Variants in HHAT observed in about 807,000 individuals in gnomAD.
HHAT encodes hedgehog acyltransferase.
A neutral mutation model predicts 70.8 loss-of-function variants in HHAT; 47 were observed. That is an observed-to-expected ratio of 0.66 (90% CI 0.53 to 0.85). The LOEUF (loss-of-function observed/expected upper bound fraction) is 0.85. HHAT is among the 40% of genes least tolerant of loss of function. The pLI is 0.00. For missense variants in HHAT, 609 were observed against 604.8 expected (o/e 1.01, Z -0.07); for synonymous variants, 228 against 247.6 (o/e 0.92, Z 0.74).
intron 11 of HHAT, among the ~76,000 whole-genome samples, chr1:210,625,347 G>C (rs1669639123): frequency 6.6e-6 from 1 of 152,152 alleles, no homozygotes; most frequent in African/African-American, 2.4e-5. Context: ...TGCGGACTTG[G>C]TTTGCTTGTC....
intron 8 of HHAT, among the ~76,000 whole-genome samples, chr1:210,502,010 C>T (rs1558037553): frequency 8.0e-6 from 1 of 125,572 alleles, no homozygotes; most frequent in Non-Finnish European, 1.7e-5. Context: ...TTTTAGGTCT[C>T]CTCTATTCTT....
At chr1:210,619,570 G>A (rs1668443740) in intron 10 of HHAT, among the ~76,000 whole-genome samples, 1 of 152,178 alleles carries the variant, frequency 6.6e-6, no homozygotes, top group Non-Finnish European at 1.5e-5. Flanking sequence ...GAATGTAGGG[G>A]AGAACAATTC....
chr1:210,374,147 A>G (rs996209381), intron 3 of HHAT: 2 of 152,186 alleles, frequency 1.3e-5, no homozygotes, highest in South Asian at 4.1e-4. Flanking sequence ...TTTTTATAAA[A>G]CATGATCTGC....
chr1:210,651,663 C>T (rs1675187496), intron 11 of HHAT, among the ~76,000 whole-genome samples: 1 of 152,196 alleles, frequency 6.6e-6, no homozygotes, highest in Non-Finnish European at 1.5e-5. Flanking sequence ...CCTTCTAGGG[C>T]TGGAGGGACA....
chr1:210,567,897 AAT>A (rs1655158586), intron 9 of HHAT, among the ~76,000 whole-genome samples: 1 of 152,196 alleles, frequency 6.6e-6, no homozygotes, highest in Admixed American at 6.5e-5. Context: ...GAAATTATGA[AAT>A]ATATATTTGA....
intron 8 of HHAT, among the ~76,000 whole-genome samples, chr1:210,500,968 GC>G (rs1558035198): frequency 6.6e-6 from 1 of 152,188 alleles, no homozygotes; most frequent in Non-Finnish European, 1.5e-5. Flanking sequence ...TAGAGCATCA[GC>G]TCCTCTGGGA....
intron 11 of HHAT, among the ~76,000 whole-genome samples, chr1:210,646,250 C>A (rs1322791447): frequency 2.0e-5 from 3 of 152,144 alleles, no homozygotes; most frequent in Non-Finnish European, 4.4e-5. Context: ...AGCAGCTGGA[C>A]TTTAAGGCCT....
Position 210,437,712 on chromosome 1 carries a change from G to T in HHAT, c.856+19387G>T, listed in dbSNP as rs2093412243. Among the ~76,000 whole-genome samples, 5 of 151,910 alleles carry T rather than the reference G, an allele frequency of 3.3e-5. No homozygotes were observed. The South Asian group carries it at 1.0e-3, about 32-fold the overall frequency. ...GCCCTTTTGTTGAGTATTTACATGG[G>T]TCACAAATATCTCCCCTGGGCTCAT... On this transcript the variant is annotated intron_variant, in intron 7 of 11. Transcript: ENST00000261458.
At chr1:210,624,776 C>A (rs1246447000) in intron 11 of HHAT, among the ~76,000 whole-genome samples, 1 of 152,172 alleles carries the variant, frequency 6.6e-6, no homozygotes, top group Non-Finnish European at 1.5e-5. Context: ...AGATTTGGAA[C>A]TACTCATGGT....
At chr1:210,362,045 T>G (rs1381624120) in intron 2 of HHAT, among the ~76,000 whole-genome samples, 3 of 140,252 alleles carry the variant, frequency 2.1e-5, no homozygotes, top group Non-Finnish European at 4.8e-5. Context: ...TATCTTGTAC[T>G]GTGTCTGGTT....
upstream of HHAT, chr1:210,328,759 G>T: frequency 3.0e-6 from 1 of 335,176 alleles, no homozygotes; most frequent in Non-Finnish European, 5.4e-6. Flanking sequence ...GGTGAGCGGG[G>T]CTAGGGGCCC....
intron 9 of HHAT, among the ~76,000 whole-genome samples, 167 bp downstream of exon 9, chr1:210,513,355 CG>C (rs2094995061): frequency 6.6e-6 from 1 of 152,068 alleles, no homozygotes; most frequent in African/African-American, 2.4e-5. Flanking sequence ...CAGAATCACA[CG>C]ATTAAACAAT....
At chr1:210,488,022 G>C (rs2148504852) in intron 8 of HHAT, among the ~76,000 whole-genome samples, 1 of 152,226 alleles carries the variant, frequency 6.6e-6, no homozygotes, top group Admixed American at 6.5e-5. Context: ...GCTTCCTCGT[G>C]GGATTCCCAT....
At chr1:210,602,850 A>G (rs777219824) in intron 10 of HHAT, among the ~76,000 whole-genome samples, 29 of 152,058 alleles carry the variant, frequency 1.9e-4, no homozygotes, top group Non-Finnish European at 4.0e-4. Flanking sequence ...CACACTATGC[A>G]ATTCGCTGGT....
At position 210,442,955 on chromosome 1, in the gene HHAT, G is replaced by C. The variant is rs529615918; in HGVS notation, c.857-21550G>C. ...CCTATGTCCTGAATGGTAATGCCTAGGTTTTCTTCTAGGGTTTTTATGGTT... is the reference window on the plus strand; with the variant it reads ...CCTATGTCCTGAATGGTAATGCCTACGTTTTCTTCTAGGGTTTTTATGGTT... On this transcript the variant is annotated intron_variant, in intron 7 of 11. Coordinates refer to ENST00000261458, the MANE Select transcript of HHAT (RefSeq NM_018194.6). Among the ~76,000 whole-genome samples the C allele has an allele frequency of 5.7e-3, 862 of 152,038 alleles. 3 individuals are homozygous for C. Among genetic ancestry groups the C allele is most frequent in the African/African-American group, 0.019 (806 of 41,458 alleles).
intron 8 of HHAT, among the ~76,000 whole-genome samples, chr1:210,477,106 G>T (rs920233630): frequency 6.6e-6 from 1 of 152,110 alleles, no homozygotes; most frequent in Non-Finnish European, 1.5e-5. Context: ...GACCACAAAA[G>T]GACTGAAGAG....
At chr1:210,648,545 T>C (rs897751906) in intron 11 of HHAT, among the ~76,000 whole-genome samples, 5 of 152,204 alleles carry the variant, frequency 3.3e-5, no homozygotes, top group Admixed American at 6.5e-5. Context: ...TCTTTACTCA[T>C]TGGTGGAGGT....
intron 8 of HHAT, among the ~76,000 whole-genome samples, chr1:210,469,255 G>A (rs2094159094): frequency 6.6e-6 from 1 of 152,080 alleles, no homozygotes; most frequent in East Asian, 1.9e-4. Flanking sequence ...CAGAGGAGTG[G>A]CCTTGGTCTT....
chr1:210,470,655 T>G (rs1231706500), intron 8 of HHAT, among the ~76,000 whole-genome samples: 2 of 152,188 alleles, frequency 1.3e-5, no homozygotes, highest in East Asian at 1.9e-4. Context: ...AGATTTTTTT[T>G]GGGTGCCTTT....
Sources: gnomAD v4.1 joint callset for allele counts (sites outside exome capture counted in the v4.1 genomes callset) on GRCh38, gnomAD v4.1.1 for gene constraint, MANE v1.5 for transcripts, NCBI Gene and HGNC (gene_info 2026-07-23, HGNC 2026-07-21) for gene names.